Variants in SLIT2 observed in about 807,000 individuals in gnomAD.
SLIT2 encodes the protein slit guidance ligand 2, also known as slit homolog 2 protein.
Under a neutral mutation model 185.7 loss-of-function variants are expected in SLIT2, and 41 were observed. That is an observed-to-expected ratio of 0.22 (90% CI 0.17 to 0.29). The LOEUF (loss-of-function observed/expected upper bound fraction) is 0.29, where lower values mean the gene tolerates loss of function less well. Among genes scored for constraint, SLIT2 ranks in the 10% least tolerant of loss-of-function variants. The probability of loss-of-function intolerance (pLI) is 1.00; values close to 1 mark genes in which losing one functional copy is unlikely to be tolerated. For synonymous variants in SLIT2, 693 were observed against 680.2 expected (o/e 1.02, Z -0.29); for missense variants, 1,571 against 1,909.0 (o/e 0.82, Z 3.30).
intron 5 of SLIT2, among the ~76,000 whole-genome samples, chr4:20,468,306 C>G (rs1714582651): frequency 6.6e-6 from 1 of 152,042 alleles, no homozygotes; most frequent in Non-Finnish European, 1.5e-5. Context: ...TTAGAGACAC[C>G]TGTAGCCTAG....
intron 23 of SLIT2, 102 bp from the exon 24 acceptor site, chr4:20,548,955 G>A: frequency 1.4e-6 from 1 of 698,088 alleles, no homozygotes; most frequent in Non-Finnish European, 2.6e-6. Context: ...AACACTATCA[G>A]TTAATAAGAT....
chr4:20,550,026 A>G (rs1362831413), intron 24 of SLIT2, among the ~76,000 whole-genome samples: 2 of 152,106 alleles, frequency 1.3e-5, no homozygotes, highest in African/African-American at 2.4e-5. Flanking sequence ...TTCCAAAAGT[A>G]ACTGTCTTGT....
intron 6 of SLIT2, among the ~76,000 whole-genome samples, chr4:20,485,089 G>C (rs1275641655): frequency 1.3e-5 from 2 of 152,054 alleles, no homozygotes; most frequent in Admixed American, 1.3e-4. Context: ...GCCTTCTTTA[G>C]TCAACACCTC....
At chr4:20,529,352 A>G (rs1466267912) in intron 16 of SLIT2, among the ~76,000 whole-genome samples, 1 of 152,208 alleles carries the variant, frequency 6.6e-6, no homozygotes, top group Non-Finnish European at 1.5e-5. Flanking sequence ...CATACTAATA[A>G]CAATGGTATT....
At chr4:20,390,396 A>C (rs1725317784) in intron 4 of SLIT2, among the ~76,000 whole-genome samples, 1 of 152,152 alleles carries the variant, frequency 6.6e-6, no homozygotes, top group Non-Finnish European at 1.5e-5. Context: ...TTCAAGACTG[A>C]TGCTTTGCAG....
intron 3 of SLIT2, among the ~76,000 whole-genome samples, chr4:20,260,351 AT>A (rs1712323710): frequency 6.6e-6 from 1 of 151,846 alleles, no homozygotes; most frequent in Non-Finnish European, 1.5e-5. Flanking sequence ...TAGTTGTGAA[AT>A]TTAAAATTGG....
rs553517320 is a variant in SLIT2, at chr4:20,337,008, T to C, written c.395+68127T>C. Reference sequence around the variant, plus strand: ...TACTTTTCTTCAGGGGTCCAATTGCTTCCTATTCCTCTTATAAGAGTTTTC... The same window carrying C: ...TACTTTTCTTCAGGGGTCCAATTGCCTCCTATTCCTCTTATAAGAGTTTTC... On this transcript the variant is annotated intron_variant, in intron 4 of 36. Coordinates refer to ENST00000504154, the MANE Select transcript of SLIT2 (RefSeq NM_004787.4). Among the ~76,000 whole-genome samples, 34 of 152,358 alleles carry C rather than the reference T, an allele frequency of 2.2e-4. No homozygotes were observed. The East Asian group carries it at 6.6e-3, about 29-fold the overall frequency.
At chr4:20,422,757 C>G in intron 4 of SLIT2, among the ~76,000 whole-genome samples, 1 of 151,716 alleles carries the variant, frequency 6.6e-6, no homozygotes, top group East Asian at 1.9e-4. Flanking sequence ...GAGGCAGCAA[C>G]GAGGCAGGAT....
At chr4:20,402,914 T>TA (rs1053203051) in intron 4 of SLIT2, among the ~76,000 whole-genome samples, 7 of 151,870 alleles carry the variant, frequency 4.6e-5, no homozygotes, top group Admixed American at 3.9e-4. Flanking sequence ...ATACTGCTAT[T>TA]AAAAAAATAA....
intron 4 of SLIT2, among the ~76,000 whole-genome samples, chr4:20,376,073 T>A (rs938524589): frequency 5.4e-5 from 8 of 149,324 alleles, no homozygotes; most frequent in South Asian, 2.1e-4. Flanking sequence ...AAATAAAAAA[T>A]TTTTCAAAAC....
intron 33 of SLIT2, among the ~76,000 whole-genome samples, chr4:20,609,106 G>T (rs1311220311): frequency 6.6e-6 from 1 of 152,170 alleles, no homozygotes. Context: ...TAACACCAGA[G>T]TTAGATATGC....
intron 4 of SLIT2, among the ~76,000 whole-genome samples, chr4:20,424,608 T>C (rs999118524): frequency 3.3e-5 from 5 of 152,170 alleles, no homozygotes; most frequent in African/African-American, 9.6e-5. Flanking sequence ...TCTAGCATGA[T>C]TCCATAGAAA....
At chr4:20,538,886 A>G (rs1199041900) in intron 18 of SLIT2, among the ~76,000 whole-genome samples, 1 of 152,140 alleles carries the variant, frequency 6.6e-6, no homozygotes, top group African/African-American at 2.4e-5. Flanking sequence ...AATTTAAAAC[A>G]ATGAGCTAAT....
intron 4 of SLIT2, among the ~76,000 whole-genome samples, chr4:20,376,072 A>T (rs1279905053): frequency 5.3e-5 from 8 of 150,686 alleles, no homozygotes; most frequent in African/African-American, 1.7e-4. Flanking sequence ...GAAATAAAAA[A>T]TTTTTCAAAA....
intron 30 of SLIT2, among the ~76,000 whole-genome samples, chr4:20,594,237 G>T (rs2148955399): frequency 6.7e-6 from 1 of 148,566 alleles, no homozygotes; most frequent in African/African-American, 2.5e-5. Context: ...ATGTACATGT[G>T]TATATACATA....
At chr4:20,589,606 C>A in intron 29 of SLIT2, 38 bp from the exon 30 acceptor site, 1 of 1,504,552 alleles carries the variant, frequency 6.6e-7, no homozygotes, top group Non-Finnish European at 9.2e-7. Flanking sequence ...AGCCTGTTGA[C>A]CTTTTTCTAT....
chr4:20,407,351 C>A (rs552954973), intron 4 of SLIT2, among the ~76,000 whole-genome samples: 2 of 152,218 alleles, frequency 1.3e-5, no homozygotes, highest in East Asian at 3.9e-4. Context: ...AGTAACTATA[C>A]TAGAAACAGA....
chr4:20,428,706 G>A (rs1397731921), intron 4 of SLIT2, among the ~76,000 whole-genome samples: 1 of 152,076 alleles, frequency 6.6e-6, no homozygotes, highest in African/African-American at 2.4e-5. Context: ...CTTTCCACTG[G>A]GTTCCTGGCC....
chr4:20,572,091 A>C (rs996702395), intron 29 of SLIT2, among the ~76,000 whole-genome samples: 4 of 152,234 alleles, frequency 2.6e-5, no homozygotes, highest in African/African-American at 7.2e-5. Flanking sequence ...GTAAGTAGTT[A>C]CTGATTTGTT....
Sources: gnomAD v4.1 joint callset for allele counts (sites outside exome capture counted in the v4.1 genomes callset) on GRCh38, gnomAD v4.1.1 for gene constraint, MANE v1.5 for transcripts, NCBI Gene and HGNC (gene_info 2026-07-23, HGNC 2026-07-21) for gene names.